Variants in EPHB1 observed in about 807,000 individuals in gnomAD.
EPHB1 encodes ephrin type-B receptor 1.
In EPHB1, 30 loss-of-function variants were observed where a neutral mutation model predicts 94.4. The observed-to-expected ratio is 0.32, with a 90% CI of 0.24 to 0.43. EPHB1 has a LOEUF of 0.43. Among genes scored for constraint, EPHB1 ranks in the 20% least tolerant of loss-of-function variants. The pLI, the probability that EPHB1 is intolerant of heterozygous loss-of-function variation, is 1.00. For synonymous variants in EPHB1, 522 were observed against 489.1 expected, an observed-to-expected ratio of 1.07 and a Z score of -0.89; for missense variants, 1,055 against 1,308.3, an observed-to-expected ratio of 0.81 and a Z score of 2.99.
At chr3:134,875,212 C>T (rs1278598689) in intron 1 of EPHB1, among the ~76,000 whole-genome samples, 2 of 152,218 alleles carry the variant, frequency 1.3e-5, no homozygotes, top group African/African-American at 2.4e-5. Flanking sequence ...AGGCATGTGG[C>T]TGTGCTGGTT....
chr3:135,132,197 C>A (rs1940443193), intron 4 of EPHB1, among the ~76,000 whole-genome samples: 1 of 152,112 alleles, frequency 6.6e-6, no homozygotes, highest in Non-Finnish European at 1.5e-5. Flanking sequence ...GGAAGCCTGT[C>A]CCTACAGAGA....
chr3:135,203,207 CAT>C (rs1942803674), intron 12 of EPHB1, among the ~76,000 whole-genome samples: 1 of 152,060 alleles, frequency 6.6e-6, no homozygotes, highest in African/African-American at 2.4e-5. Context: ...CACATGGACA[CAT>C]GTGACACATG....
chr3:134,979,300 A>G, intron 3 of EPHB1, among the ~76,000 whole-genome samples: 1 of 152,100 alleles, frequency 6.6e-6, no homozygotes, highest in Non-Finnish European at 1.5e-5. Flanking sequence ...TCAAAGGGGG[A>G]AAAAAAGGCC....
intron 15 of EPHB1, among the ~76,000 whole-genome samples, chr3:135,250,942 A>G (rs1933060005): frequency 6.6e-6 from 1 of 152,146 alleles, no homozygotes; most frequent in Non-Finnish European, 1.5e-5. Context: ...GTCCCAGGAA[A>G]GAGCAGTAGT....
intron 3 of EPHB1, among the ~76,000 whole-genome samples, chr3:135,046,467 A>T (rs1354751271): frequency 7.1e-6 from 1 of 140,396 alleles, no homozygotes; most frequent in African/African-American, 3.3e-5. Flanking sequence ...TAACATCTAT[A>T]AAAATTCCTC....
chr3:135,071,933 G>T (rs1262181675), intron 3 of EPHB1, among the ~76,000 whole-genome samples: 1 of 152,132 alleles, frequency 6.6e-6, no homozygotes, highest in Non-Finnish European at 1.5e-5. Context: ...GGCCATTCTT[G>T]ATTCCTCTGC....
intron 1 of EPHB1, among the ~76,000 whole-genome samples, chr3:134,870,326 A>G (rs979463729): frequency 2.0e-5 from 3 of 152,144 alleles, no homozygotes; most frequent in African/African-American, 2.4e-5. Context: ...GGTTGTTAGG[A>G]AAGCATAGAT....
chr3:135,216,726 G>GAAAAAAAAA (rs386397987), intron 12 of EPHB1, among the ~76,000 whole-genome samples: 2 of 105,018 alleles, frequency 1.9e-5, no homozygotes, highest in Non-Finnish European at 1.8e-5. Flanking sequence ...CTGTCTCAGG[G>GAAAAAAAAA]AAAAAAAAAA....
intron 1 of EPHB1, among the ~76,000 whole-genome samples, chr3:134,805,859 C>T (rs2036033305): frequency 6.6e-6 from 1 of 152,194 alleles, no homozygotes; most frequent in Non-Finnish European, 1.5e-5. Flanking sequence ...GGTGCCCTCA[C>T]AGCCGCCTCT....
At chr3:135,257,798 GC>G (rs1447643322) in intron 15 of EPHB1, among the ~76,000 whole-genome samples, 2 of 151,990 alleles carry the variant, frequency 1.3e-5, no homozygotes, top group Non-Finnish European at 2.9e-5. Flanking sequence ...AATGGTGGGC[GC>G]CCCTCCCCCA....
intron 4 of EPHB1, among the ~76,000 whole-genome samples, chr3:135,116,750 A>C (rs1367961383): frequency 6.6e-6 from 1 of 152,146 alleles, no homozygotes; most frequent in Non-Finnish European, 1.5e-5. Flanking sequence ...CTGTCCCTAC[A>C]TCTGAGCTTG....
At chr3:134,978,393 A>T (rs1210737994) in intron 3 of EPHB1, among the ~76,000 whole-genome samples, 1 of 152,202 alleles carries the variant, frequency 6.6e-6, no homozygotes, top group African/African-American at 2.4e-5. Context: ...CCCATAAAAA[A>T]GTCTGAAAAC....
At chr3:135,181,515 G>A (rs1208536355) in intron 10 of EPHB1, among the ~76,000 whole-genome samples, 1 of 152,168 alleles carries the variant, frequency 6.6e-6, no homozygotes, top group Non-Finnish European at 1.5e-5. Context: ...AGAGTGTTGG[G>A]GAGGCGGGCT....
At chr3:134,983,645 T>C (rs1455686303) in intron 3 of EPHB1, among the ~76,000 whole-genome samples, 4 of 152,230 alleles carry the variant, frequency 2.6e-5, no homozygotes, top group African/African-American at 9.6e-5. Flanking sequence ...TTCCCCACCA[T>C]GCTGCCTGTG....
chr3:135,072,935 G>C (rs1321885494), intron 3 of EPHB1, among the ~76,000 whole-genome samples: 2 of 152,028 alleles, frequency 1.3e-5, no homozygotes, highest in East Asian at 3.9e-4. Context: ...TTGATCAGAG[G>C]GGGTACCCAT....
At chr3:134,830,580 A>G (rs1486620736) in intron 1 of EPHB1, among the ~76,000 whole-genome samples, 1 of 152,186 alleles carries the variant, frequency 6.6e-6, no homozygotes, top group Non-Finnish European at 1.5e-5. Flanking sequence ...ACTCAGAGAA[A>G]GGCAGCATGG....
chr3:134,885,124 A>G (rs1351274792), intron 1 of EPHB1, among the ~76,000 whole-genome samples: 1 of 152,230 alleles, frequency 6.6e-6, no homozygotes. Context: ...GATATTTTTA[A>G]AAGGTCCAAA....
At chr3:135,250,206 C>T (rs1158790663) in intron 15 of EPHB1, among the ~76,000 whole-genome samples, 2 of 152,120 alleles carry the variant, frequency 1.3e-5, no homozygotes, top group Admixed American at 1.3e-4. Context: ...TTATAAAGGC[C>T]ATGAGAAATC....
At chr3:135,173,256 G>T (rs1004338404) in intron 9 of EPHB1, among the ~76,000 whole-genome samples, 8 of 151,750 alleles carry the variant, frequency 5.3e-5, no homozygotes, top group East Asian at 1.9e-4. Context: ...GGATGGTCTC[G>T]ATCTCCTGAC....
Sources: gnomAD v4.1 joint callset for allele counts (sites outside exome capture counted in the v4.1 genomes callset) on GRCh38, gnomAD v4.1.1 for gene constraint, MANE v1.5 for transcripts, NCBI Gene and HGNC (gene_info 2026-07-23, HGNC 2026-07-21) for gene names.